RASIP1: variants seen among roughly 807,000 people sequenced by gnomAD.
RASIP1 encodes ras-interacting protein 1.
A neutral mutation model predicts 85.3 loss-of-function variants in RASIP1; 20 were observed. The ratio of observed to expected loss-of-function variants is 0.23; its 90% CI spans 0.17 to 0.34. The LOEUF is 0.34. RASIP1 is among the 10% of genes least tolerant of loss of function. The pLI, the probability that RASIP1 is intolerant of heterozygous loss-of-function variation, is 1.00. For missense variants in RASIP1, 1,170 were observed against 1,390.9 expected (o/e 0.84, Z 2.53); for synonymous variants, 617 against 647.1 (o/e 0.95, Z 0.71).
intron 4 of RASIP1, among the ~76,000 whole-genome samples, chr19:48,732,775 C>T (rs2033487189): frequency 6.6e-6 from 1 of 152,166 alleles, no homozygotes; most frequent in Non-Finnish European, 1.5e-5. Context: ...ATGAATTCTT[C>T]CATACAAGCT....
Position 48,729,542 on chromosome 19 carries a change from C to G in RASIP1, c.1228G>C (p.Gly410Arg). 1 of 1,602,698 alleles carries G rather than the reference C, an allele frequency of 6.2e-7. No homozygotes were observed. The highest frequency in any genetic ancestry group is 8.5e-7 in the Non-Finnish European group (1 of 1,175,094). Residue 410 changes from glycine to arginine, a missense_variant, in exon 5 of 12, where the codon GGT becomes CGT. Gly to Arg is a moderately radical substitution (Grantham distance 125, BLOSUM62 -2). This residue lies in a region of RASIP1 where 301 missense variants were observed against 294.8 expected (regional missense o/e 1.02). Transcript: ENST00000222145. The part of the protein sequence containing the change: ...MTREQHVFGR[G>R]GNSSGRGGSP... ...CCCCCGCGGCCAGACGAGTTCCCAC[C>G]TCGCCCAAACACGTGCTGCTCTCGC...
chr19:48,729,975 G>T (rs1352304377), intron 4 of RASIP1, among the ~76,000 whole-genome samples: 1 of 151,768 alleles, frequency 6.6e-6, no homozygotes, highest in African/African-American at 2.4e-5. Context: ...TCGGCCTCCC[G>T]AAGTGCTGGG....
At chr19:48,723,031 G>A (rs950880688) in intron 10 of RASIP1, among the ~76,000 whole-genome samples, 1 of 151,676 alleles carries the variant, frequency 6.6e-6, no homozygotes, top group Non-Finnish European at 1.5e-5. Flanking sequence ...GACCACAGAC[G>A]TGTGCCTCCA....
rs2033625928 is a variant in RASIP1 at position 48,739,176 on chromosome 19, C to T, written c.607G>A (p.Ala203Thr). The change falls in exon 3 of 12, where the codon GCT becomes ACT. Residue 203 changes from alanine (A) to threonine (T), a missense_variant. This residue lies in a region of RASIP1 where 299 missense variants were observed against 394.4 expected (regional missense o/e 0.76). Coordinates refer to ENST00000222145, the MANE Select transcript of RASIP1 (RefSeq NM_017805.3). This position sits in a 1 kb window ranked among gnomAD's most constrained non-coding sequence, Gnocchi z 9.2. ...PGESSCVDAF[A>T]LCDALGRPAA... is the part of the protein sequence containing the mutation. ...GGCCGGCCCAGAGCGTCGCACAAAG[C>T]GAAGGCGTCCACGCAGCTGCTCTCG... is the stretch of plus-strand genomic sequence containing the variant. 6.1e-6 allele frequency: 9 copies of T among 1,467,008 alleles called. No individual in the cohort carries two copies. The highest frequency in any genetic ancestry group is 7.2e-6 in the Non-Finnish European group (8 of 1,116,350). The allele number at this position is 1,467,008 out of a possible 1,614,324, so 90.9% of individuals were successfully genotyped here. A position where few individuals can be genotyped will look rare whatever the true frequency, so the allele number is the denominator to read the frequency against.
chr19:48,729,338 C>G lies in RASIP1; in HGVS notation c.1432G>C (p.Gly478Arg), dbSNP rs1195442826. Residue 478 changes from glycine (G) to arginine (R), a missense_variant, in exon 5 of 12, where the codon GGG becomes CGG. Around this residue, in one of 4 missense-constraint regions of RASIP1, gnomAD observed 426 missense variants for 576.2 expected, o/e 0.74. Coordinates refer to ENST00000222145, the MANE Select transcript of RASIP1 (RefSeq NM_017805.3). ...ATGAACAGGAAGTGCTCGCCCAGCC[C>G]CAGGAGGTCGCCCGGGTGCAGCTCA... The part of the protein sequence containing the change: ...EAELHPGDLL[G>R]LGEHFLFMYK... 1.3e-6 allele frequency: 2 copies of G among 1,560,458 alleles called. No individual in the cohort carries two copies. The highest frequency in any genetic ancestry group is 2.7e-5 in the African/African-American group (2 of 73,708).
At chr19:48,736,301 G>A (rs1259009241) in intron 3 of RASIP1, among the ~76,000 whole-genome samples, 2 of 151,954 alleles carry the variant, frequency 1.3e-5, no homozygotes, top group Non-Finnish European at 2.9e-5. Flanking sequence ...TACTCGGGAG[G>A]CTGAGGCAGG....
At position 48,739,336 on chromosome 19, in the gene RASIP1, C is replaced by A; in HGVS notation, c.447G>T (p.Lys149Asn). The change falls in exon 3 of 12, where the codon AAG (lysine) becomes AAT (asparagine). Residue 149 changes from lysine (K) to asparagine (N), a missense_variant. By Grantham distance (94) the Lys-to-Asn change is moderately conservative. Transcript: ENST00000222145. The surrounding 1 kb of genome is among the most constrained non-coding windows in gnomAD (Gnocchi z 9.2). ...TRATAPPGVL[K>N]IFGAGLASGA... ...CCGATGCCAGTCCGGCGCCGAAGAT[C>A]TTGAGGACCCCCGGAGGCGCCGTGG... 7.3e-7 allele frequency: 1 copy of A among 1,363,862 alleles called. No homozygotes were observed. The highest frequency in any genetic ancestry group is 9.4e-7 in the Non-Finnish European group (1 of 1,062,878). 84.5% of individuals were successfully genotyped at this position (1,363,862 alleles called of 1,614,324 possible).
Position 48,727,133 on chromosome 19 carries a change from G to T in RASIP1, c.1897C>A (p.Pro633Thr). 2 of 1,614,130 alleles carry T rather than the reference G, an allele frequency of 1.2e-6. No homozygotes were observed. The highest frequency in any genetic ancestry group is 1.1e-5 in the South Asian group (1 of 91,076). ...ENHPEGVPEV[P>T]LTPEAVSVEL... Reference sequence around the variant, plus strand: ...ACAGACACAGCTTCAGGAGTCAGGGGCACCTCGGGGACCCCCTCAGGGTGG... The same window carrying T: ...ACAGACACAGCTTCAGGAGTCAGGGTCACCTCGGGGACCCCCTCAGGGTGG... Residue 633 changes from proline to threonine, a missense_variant, in exon 7 of 12, where the codon CCC becomes ACC. Pro to Thr is a conservative substitution (Grantham distance 38). Around this residue, in one of 4 missense-constraint regions of RASIP1, gnomAD observed 426 missense variants for 576.2 expected, o/e 0.74. Coordinates refer to ENST00000222145, the MANE Select transcript of RASIP1 (RefSeq NM_017805.3).
At chr19:48,731,010 C>CA (rs1191109422) in intron 4 of RASIP1, among the ~76,000 whole-genome samples, 1 of 151,538 alleles carries the variant, frequency 6.6e-6, no homozygotes, top group East Asian at 1.9e-4. Context: ...GAGTGAGACT[C>CA]AAAAAAAAGA....
At chr19:48,735,696 CTGT>C in intron 3 of RASIP1, 145 bp from the exon 4 acceptor site, 3 of 781,410 alleles carry the variant, frequency 3.8e-6, no homozygotes, top group African/African-American at 1.7e-5. Flanking sequence ...ATTCTGTTCC[CTGT>C]GCGTGGAACA....
chr19:48,739,457 G>A lies in RASIP1; in HGVS notation c.326C>T (p.Pro109Leu), dbSNP rs557918883. The A allele has an allele frequency of 3.0e-4, 434 of 1,468,900 alleles. 4 individuals carry two copies. In the South Asian group the frequency reaches 5.2e-3, roughly 18 times the overall value. 91.0% of individuals were successfully genotyped at this position (1,468,900 alleles called of 1,614,324 possible). Residue 109 changes from proline to leucine, a missense_variant, in exon 3 of 12, where the codon CCT becomes CTT. By Grantham distance (98) the Pro-to-Leu change is moderately conservative. Coordinates refer to ENST00000222145, the MANE Select transcript of RASIP1 (RefSeq NM_017805.3). The surrounding 1 kb of genome is among the most constrained non-coding windows in gnomAD (Gnocchi z 9.2). ...GTTGSSGAGG[P>L]GTPGGAQRWA... ...GCGCTGCGCGCCCCCCGGGGTCCCA[G>A]GGCCTCCTGCGCCGCTGGACCCCGT...
At chr19:48,725,736 A>T (rs1329795639) in intron 8 of RASIP1, among the ~76,000 whole-genome samples, 1 of 152,124 alleles carries the variant, frequency 6.6e-6, no homozygotes, top group Non-Finnish European at 1.5e-5. Context: ...TTCAGTTTAA[A>T]TCACAGTTCC....
chr19:48,725,459 C>T (rs1018600397), intron 8 of RASIP1: 3 of 156,990 alleles, frequency 1.9e-5, no homozygotes, highest in Admixed American at 6.2e-5. Context: ...GCTAGAGGAA[C>T]TTAGAGACTG....
At chr19:48,729,690 T>C (rs1228476222) in intron 4 of RASIP1, 100 bp from the exon 5 acceptor site, 2 of 1,089,442 alleles carry the variant, frequency 1.8e-6, no homozygotes, top group Non-Finnish European at 2.6e-6. Context: ...TCCCACCAAC[T>C]TTTTTTTTCC....
At chr19:48,737,548 G>C in intron 3 of RASIP1, 1 of 985,318 alleles carries the variant, frequency 1.0e-6, no homozygotes, top group Non-Finnish European at 1.2e-6. Context: ...CCCAGCCTAA[G>C]GCCGTCTTAT....
intron 4 of RASIP1, among the ~76,000 whole-genome samples, chr19:48,732,203 T>C (rs377434233): frequency 6.6e-6 from 1 of 151,668 alleles, no homozygotes; most frequent in Non-Finnish European, 1.5e-5. Flanking sequence ...GCCTCTCAAG[T>C]AGCTAGAATG....
Position 48,729,444 on chromosome 19 carries a change from C to G in RASIP1, c.1326G>C (p.Ala442=), listed in dbSNP as rs1422130517. Residue 442 remains alanine, a synonymous_variant, in exon 5 of 12, where the codon GCG becomes GCC. Coordinates refer to ENST00000222145, the MANE Select transcript of RASIP1 (RefSeq NM_017805.3). ...DILPRHCTVR[A]GPEHPAMVRP... ...GCACCATGGCCGGGTGCTCAGGGCC[C>G]GCGCGCACTGTGCAGTGACGCGGCA... 1.3e-6 allele frequency: 2 copies of G among 1,564,388 alleles called. No individual in the cohort carries two copies. Among genetic ancestry groups the G allele is most frequent in the Non-Finnish European group, 8.7e-7 (1 of 1,155,316 alleles).
intron 3 of RASIP1, among the ~76,000 whole-genome samples, chr19:48,735,997 T>C (rs527623124): frequency 6.6e-6 from 1 of 151,764 alleles, no homozygotes; most frequent in Admixed American, 6.6e-5. Flanking sequence ...GTTTTCACCA[T>C]GTTGGCCAGG....
chr19:48,727,267 C>G, intron 6 of RASIP1, 109 bp from the exon 7 acceptor site: 2 of 1,548,350 alleles, frequency 1.3e-6, no homozygotes, highest in East Asian at 2.3e-5. Flanking sequence ...CATTGCGCAG[C>G]TGGAAAAGTT....
Sources: allele counts gnomAD v4.1 joint callset (sites outside exome capture counted in the v4.1 genomes callset), GRCh38; gene constraint gnomAD v4.1.1; regional missense constraint gnomAD v4.1.1; non-coding constraint Gnocchi (gnomAD v3.1); transcripts MANE v1.5; gene names NCBI Gene and HGNC (gene_info 2026-07-23, HGNC 2026-07-21).